The following THBS4 variants were observed in gnomAD, a reference collection of about 807,000 sequenced individuals.
The protein encoded by THBS4 is thrombospondin-4.
In THBS4, 90 loss-of-function variants were observed where a neutral mutation model predicts 115.7. The ratio of observed to expected loss-of-function variants is 0.78; its 90% CI spans 0.66 to 0.93. The LOEUF (loss-of-function observed/expected upper bound fraction) is 0.93. Among genes scored for constraint, THBS4 ranks in the 40% least tolerant of loss-of-function variants. The pLI, the probability that THBS4 is intolerant of heterozygous loss-of-function variation, is 0.00. For synonymous variants in THBS4, 460 were observed against 479.3 expected (o/e 0.96, Z 0.53); for missense variants, 1,087 against 1,232.7 (o/e 0.88, Z 1.77).
chr5:80,047,541 C>T (rs1833107667), intron 2 of THBS4, among the ~76,000 whole-genome samples: 1 of 149,830 alleles, frequency 6.7e-6, no homozygotes, highest in South Asian at 2.3e-4. Flanking sequence ...GGTGCCGTGG[C>T]TCATGCCTGT....
chr5:80,074,604 A>G (rs1743099383), intron 15 of THBS4, among the ~76,000 whole-genome samples: 1 of 151,248 alleles, frequency 6.6e-6, no homozygotes, highest in Admixed American at 6.6e-5. Flanking sequence ...GACAGCTCCT[A>G]TGAAGCCACA....
In THBS4 at chr5:80,020,077, A is replaced by AT. The variant is rs1384692761; in HGVS notation, n.178-20000_178-19999insT. Among the ~76,000 whole-genome samples the AT allele has an allele frequency of 9.9e-5, 15 of 152,244 alleles. 1 individual carries two copies. The highest frequency in any genetic ancestry group is 3.4e-4 in the African/African-American group (14 of 41,462). On this transcript the variant is annotated intron_variant and non_coding_transcript_variant, in intron 2 of 3. Coordinates refer to the THBS4 transcript ENST00000510218. ...AGCCACATTGTATTCTGTGTCAAAT[A>AT]AAGTCCAGTTGGATTCTAGAGCGAA...
At chr5:80,019,203 T>C (rs1444444814) in intron 2 of THBS4, among the ~76,000 whole-genome samples, 1 of 152,164 alleles carries the variant, frequency 6.6e-6, no homozygotes, top group Non-Finnish European at 1.5e-5. Flanking sequence ...TGAGAAATAA[T>C]TGACCAAATC....
chr5:80,033,622 G>A (rs907158554), upstream of THBS4, among the ~76,000 whole-genome samples: 1 of 152,196 alleles, frequency 6.6e-6, no homozygotes, highest in African/African-American at 2.4e-5. Flanking sequence ...TATCTAGACT[G>A]CTGACAAGCA....
At chr5:80,038,798 A>G (rs1832798730) in intron 1 of THBS4, among the ~76,000 whole-genome samples, 1 of 152,162 alleles carries the variant, frequency 6.6e-6, no homozygotes, top group African/African-American at 2.4e-5. Flanking sequence ...AGGAGCACAT[A>G]TGTTTTAGGG....
chr5:80,059,911 AG>A lies in THBS4; in HGVS notation c.987+7del, dbSNP rs1220014436. ...CCTGTATTGATGTTGATGAGGTAAA[AG>A]TTCACTTAGACTGGGAGGGGATCCC... is the stretch of plus-strand genomic sequence containing the variant. On this transcript the variant is annotated splice_region_variant and intron_variant, in intron 7 of 21. Transcript: ENST00000350881. 6.2e-7 allele frequency: 1 copy of A among 1,612,800 alleles called. No homozygotes were observed. Among genetic ancestry groups the A allele is most frequent in the Non-Finnish European group, 8.5e-7 (1 of 1,179,694 alleles).
intron 2 of THBS4, among the ~76,000 whole-genome samples, chr5:80,025,221 G>A (rs1463540677): frequency 4.6e-5 from 7 of 152,144 alleles, no homozygotes; most frequent in Non-Finnish European, 8.8e-5. Context: ...AAAAGATGAC[G>A]TGTGGATATA....
chr5:80,040,342 G>A (rs1832858778), intron 2 of THBS4, 62 bp downstream of exon 2: 2 of 1,286,666 alleles, frequency 1.6e-6, no homozygotes, highest in South Asian at 2.5e-5. Context: ...AGGATTAGGG[G>A]TATACTGTCT....
chr5:80,073,255 A>C lies in THBS4; in HGVS notation c.1840-20A>C. On this transcript the variant is annotated intron_variant, in intron 14 of 21. Transcript: ENST00000350881. ...ACATGCAGGCCCAGGAATAAATAAC[A>C]TGTGCTGTTCTCTTTGCAGTCTGAT... is the stretch of plus-strand genomic sequence containing the variant. 1 of 1,613,360 alleles carries C rather than the reference A, an allele frequency of 6.2e-7. No homozygotes were observed. The highest frequency in any genetic ancestry group is 8.5e-7 in the Non-Finnish European group (1 of 1,179,478).
At chr5:80,030,005 A>G (rs1287960144) in intron 2 of THBS4, among the ~76,000 whole-genome samples, 1 of 152,114 alleles carries the variant, frequency 6.6e-6, no homozygotes, top group Non-Finnish European at 1.5e-5. Flanking sequence ...TGAATTGCAC[A>G]CTAATCAAAA....
At chr5:80,023,211 T>C (rs1832412330) in intron 2 of THBS4, among the ~76,000 whole-genome samples, 1 of 152,248 alleles carries the variant, frequency 6.6e-6, no homozygotes, top group Non-Finnish European at 1.5e-5. Flanking sequence ...TGAGACCTTG[T>C]TTGGCCTGAA....
intron 8 of THBS4, among the ~76,000 whole-genome samples, chr5:80,062,262 C>T (rs1475893169): frequency 2.6e-5 from 4 of 152,116 alleles, no homozygotes; most frequent in Admixed American, 1.3e-4. Flanking sequence ...AAATAATCCC[C>T]CAAGGCAACC....
At chr5:80,003,810 A>G (rs778779653) in intron 2 of THBS4, among the ~76,000 whole-genome samples, 5 of 152,188 alleles carry the variant, frequency 3.3e-5, no homozygotes, top group African/African-American at 1.2e-4. Flanking sequence ...TGCATAGTTA[A>G]TCGTCCTCTA....
intron 2 of THBS4, among the ~76,000 whole-genome samples, chr5:80,019,295 A>T (rs1561295509): frequency 6.6e-6 from 1 of 152,174 alleles, no homozygotes; most frequent in Non-Finnish European, 1.5e-5. Context: ...ATGTACGTAC[A>T]CCTTAATTTA....
intron 2 of THBS4, among the ~76,000 whole-genome samples, chr5:80,023,445 C>A (rs982876688): frequency 6.6e-6 from 1 of 152,168 alleles, no homozygotes; most frequent in South Asian, 2.1e-4. Flanking sequence ...TATTTTCCTT[C>A]CATTTACAAG....
At chr5:80,019,804 C>A in intron 2 of THBS4, 1 of 169,872 alleles carries the variant, frequency 5.9e-6, no homozygotes. Context: ...AAGTGTGTAC[C>A]GTTGCACGGG....
chr5:80,073,303 A>G lies in THBS4; in HGVS notation c.1868A>G (p.Asp623Gly), dbSNP rs777686439. The change falls in exon 15 of 22, where the codon GAC becomes GGC. Residue 623 changes from aspartate to glycine, a missense_variant. Asp to Gly is a moderately conservative substitution (Grantham distance 94). Around this residue, in one of 3 missense-constraint regions of THBS4, gnomAD observed 979 missense variants for 1,103.7 expected, o/e 0.89. Coordinates refer to ENST00000350881, the MANE Select transcript of THBS4 (RefSeq NM_003248.6). The part of the protein sequence containing the change: ...QSDVDNDLVG[D>G]SCDTNQDSDG... ...GATGTGGATAATGATCTGGTTGGGG[A>G]CTCCTGTGACACCAATCAGGACAGG... is the stretch of plus-strand genomic sequence containing the variant. 3 of 1,613,254 alleles carry G rather than the reference A, an allele frequency of 1.9e-6. No individual in the cohort carries two copies. Among genetic ancestry groups the G allele is most frequent in the Non-Finnish European group, 1.7e-6 (2 of 1,179,850 alleles).
intron 7 of THBS4, among the ~76,000 whole-genome samples, chr5:80,060,611 T>G (rs1561316649): frequency 6.6e-6 from 1 of 152,032 alleles, no homozygotes; most frequent in Non-Finnish European, 1.5e-5. Context: ...AATATGATAA[T>G]TACTGGGGCA....
At chr5:80,077,962 T>C in intron 16 of THBS4, 87 bp from the exon 17 acceptor site, 1 of 1,210,786 alleles carries the variant, frequency 8.3e-7, no homozygotes, top group South Asian at 1.9e-5. Flanking sequence ...TGAGCCCTTC[T>C]GTTCCTCATG....
Sources: allele counts gnomAD v4.1 joint callset (sites outside exome capture counted in the v4.1 genomes callset), GRCh38; gene constraint gnomAD v4.1.1; regional missense constraint gnomAD v4.1.1; transcripts MANE v1.5; gene names NCBI Gene and HGNC (gene_info 2026-07-23, HGNC 2026-07-21).